FRMD6: variants seen among roughly 807,000 people sequenced by gnomAD.
FRMD6 encodes FERM domain-containing protein 6.
In FRMD6, 37 loss-of-function variants were observed where a neutral mutation model predicts 73.2. The ratio of observed to expected loss-of-function variants is 0.51; its 90% CI spans 0.39 to 0.66. The LOEUF is 0.66. FRMD6 is among the 30% of genes least tolerant of loss of function. FRMD6 has a pLI of 0.00. For synonymous variants in FRMD6, 273 were observed against 282.2 expected (o/e 0.97, Z 0.33); for missense variants, 714 against 780.5 (o/e 0.91, Z 1.02).
At chr14:51,414,661 T>C in the FRMD6 span, among the ~76,000 whole-genome samples, 1 of 152,222 alleles carries the variant, frequency 6.6e-6, no homozygotes, top group African/African-American at 2.4e-5. Flanking sequence ...TCATATGAAC[T>C]TTAAAGTAGT....
At chr14:51,615,996 T>A (rs917265585) in intron 2 of FRMD6, among the ~76,000 whole-genome samples, 1 of 152,140 alleles carries the variant, frequency 6.6e-6, no homozygotes, top group Non-Finnish European at 1.5e-5. Flanking sequence ...AGGAAAGATC[T>A]AGTTGAAAGG....
At chr14:51,698,394 T>A (rs527606277) in intron 3 of FRMD6, among the ~76,000 whole-genome samples, 162 bp downstream of exon 3, 35 of 152,266 alleles carry the variant, frequency 2.3e-4, no homozygotes, top group Middle Eastern at 3.4e-3. Context: ...TTTAATTTTT[T>A]AATCTCAATT....
intron 1 of FRMD6, among the ~76,000 whole-genome samples, chr14:51,499,774 C>G (rs1883498457): frequency 6.6e-6 from 1 of 152,222 alleles, no homozygotes; most frequent in Admixed American, 6.5e-5. Context: ...TCTGTATAAA[C>G]TCTTTTAGGA....
the FRMD6 span, among the ~76,000 whole-genome samples, chr14:51,453,408 C>A: frequency 7.2e-5 from 11 of 151,872 alleles, no homozygotes; most frequent in Non-Finnish European, 1.2e-4. Flanking sequence ...TAATGTCAGG[C>A]GGAGAAGACT....
At chr14:51,616,411 G>C (rs904232381) in intron 2 of FRMD6, among the ~76,000 whole-genome samples, 1 of 152,202 alleles carries the variant, frequency 6.6e-6, no homozygotes, top group Admixed American at 6.5e-5. Flanking sequence ...TACTGGCTTA[G>C]ACTAGATTAA....
At chr14:51,696,728 C>T (rs77514498) in intron 2 of FRMD6, among the ~76,000 whole-genome samples, 2,330 of 144,604 alleles carry the variant, frequency 0.016, 48 homozygotes, top group African/African-American at 0.054. Flanking sequence ...GCCCAGGCAA[C>T]GTAGTGAGAG....
intron 1 of FRMD6, among the ~76,000 whole-genome samples, chr14:51,679,677 T>G (rs1249243552): frequency 6.6e-6 from 1 of 151,958 alleles, no homozygotes; most frequent in Non-Finnish European, 1.5e-5. Flanking sequence ...GATATTATTG[T>G]GGGAAAATAT....
intron 1 of FRMD6, among the ~76,000 whole-genome samples, chr14:51,511,399 G>A (rs1438620890): frequency 6.6e-6 from 1 of 152,340 alleles, no homozygotes; most frequent in East Asian, 1.9e-4. Flanking sequence ...TCAGGGCAAA[G>A]TGATGTATTA....
intron 11 of FRMD6, 139 bp downstream of exon 11, chr14:51,720,529 T>C (rs1400901285): frequency 1.5e-5 from 11 of 730,790 alleles, no homozygotes; most frequent in African/African-American, 3.5e-5. Context: ...TCTTCCCCAA[T>C]GACTTGGTTG....
the FRMD6 span, among the ~76,000 whole-genome samples, chr14:51,398,804 G>T: frequency 6.6e-6 from 1 of 152,030 alleles, no homozygotes; most frequent in East Asian, 1.9e-4. Flanking sequence ...TTTTTCACTG[G>T]TCTCCAGGTT....
intron 1 of FRMD6, among the ~76,000 whole-genome samples, chr14:51,558,672 T>C (rs1356145737): frequency 6.6e-6 from 1 of 152,206 alleles, no homozygotes. Flanking sequence ...TAATCTTTTT[T>C]CTTTTTACTT....
chr14:51,526,706 T>C (rs1885276431), intron 1 of FRMD6, among the ~76,000 whole-genome samples: 1 of 152,156 alleles, frequency 6.6e-6, no homozygotes, highest in African/African-American at 2.4e-5. Flanking sequence ...TATCCTACAT[T>C]CTCCACCACT....
chr14:51,527,840 C>T (rs929093065), intron 1 of FRMD6, among the ~76,000 whole-genome samples: 6 of 152,178 alleles, frequency 3.9e-5, no homozygotes, highest in African/African-American at 7.2e-5. Context: ...AATATGATCC[C>T]TCTGTTCCAG....
the FRMD6 span, among the ~76,000 whole-genome samples, chr14:51,428,964 G>C: frequency 6.8e-6 from 1 of 147,080 alleles, no homozygotes. Context: ...GGGGGAGAGA[G>C]AGGGTGAGAG....
intron 1 of FRMD6, among the ~76,000 whole-genome samples, chr14:51,514,632 G>T (rs1242840703): frequency 6.6e-6 from 1 of 152,220 alleles, no homozygotes; most frequent in Non-Finnish European, 1.5e-5. Flanking sequence ...CAGATCACTT[G>T]ATGTCAGGAG....
intron 1 of FRMD6, among the ~76,000 whole-genome samples, chr14:51,520,982 ATAT>A (rs1248468625): frequency 6.6e-6 from 1 of 152,244 alleles, no homozygotes; most frequent in African/African-American, 2.4e-5. Context: ...AATCTCAAAG[ATAT>A]TATGCTGATC....
chr14:51,403,909 G>A, the FRMD6 span, among the ~76,000 whole-genome samples: 1 of 151,918 alleles, frequency 6.6e-6, no homozygotes, highest in South Asian at 2.1e-4. Flanking sequence ...TGGGTCTTCT[G>A]GTACAAGTAT....
At chr14:51,722,965 A>G (rs1399285930) in intron 12 of FRMD6, among the ~76,000 whole-genome samples, 3 of 152,184 alleles carry the variant, frequency 2.0e-5, no homozygotes, top group African/African-American at 7.2e-5. Flanking sequence ...CACAGTCACT[A>G]CCATCCTGGC....
upstream of FRMD6, among the ~76,000 whole-genome samples, chr14:51,485,481 C>A (rs1011955631): frequency 6.6e-6 from 1 of 152,148 alleles, no homozygotes. Flanking sequence ...CTATAGTGAC[C>A]CTTTCAACTG....
Sources: gnomAD v4.1 joint callset for allele counts (sites outside exome capture counted in the v4.1 genomes callset) on GRCh38, gnomAD v4.1.1 for gene constraint, MANE v1.5 for transcripts, NCBI Gene and HGNC (gene_info 2026-07-23, HGNC 2026-07-21) for gene names.